Variants in HIVEP3 observed in about 807,000 individuals in gnomAD.
The protein encoded by HIVEP3 is transcription factor HIVEP3.
HIVEP3 carries 49 observed loss-of-function variants against 152.8 expected under a neutral mutation model. That is an observed-to-expected ratio of 0.32 (90% CI 0.26 to 0.41). HIVEP3 has a LOEUF of 0.41. Ranked by LOEUF, HIVEP3 falls within the 10% of genes least tolerant of loss-of-function variation. HIVEP3 has a pLI of 1.00. For synonymous variants in HIVEP3, 1,269 were observed against 1,289.0 expected (o/e 0.98, Z 0.33); for missense variants, 2,790 against 3,103.3 (o/e 0.90, Z 2.40).
At chr1:41,758,882 C>T (rs1041017517) in intron 1 of HIVEP3, among the ~76,000 whole-genome samples, 1 of 152,168 alleles carries the variant, frequency 6.6e-6, no homozygotes, top group Non-Finnish European at 1.5e-5. Context: ...GGCCCCACTG[C>T]TCCCCCATAG....
intron 3 of HIVEP3, among the ~76,000 whole-genome samples, chr1:41,611,017 A>T (rs1218986667): frequency 6.6e-6 from 1 of 151,256 alleles, no homozygotes; most frequent in Non-Finnish European, 1.5e-5. Flanking sequence ...CTTCCATTCA[A>T]CCAGGTGAAC....
At chr1:41,727,372 C>T (rs1162021405) in intron 1 of HIVEP3, among the ~76,000 whole-genome samples, 1 of 152,204 alleles carries the variant, frequency 6.6e-6, no homozygotes, top group Non-Finnish European at 1.5e-5. Context: ...CTGTGCCTGA[C>T]CCCTACCAGC....
chr1:41,851,934 A>G (rs1643615034), intron 1 of HIVEP3, among the ~76,000 whole-genome samples: 1 of 152,228 alleles, frequency 6.6e-6, no homozygotes, highest in Non-Finnish European at 1.5e-5. Flanking sequence ...CAAACCCTCA[A>G]AAAGTCATGT....
At chr1:41,842,047 C>T (rs1643304286) in intron 1 of HIVEP3, among the ~76,000 whole-genome samples, 1 of 151,874 alleles carries the variant, frequency 6.6e-6, no homozygotes, top group Non-Finnish European at 1.5e-5. Context: ...GAGTCGAGAT[C>T]ACAGCACTGC....
In HIVEP3 at chr1:41,529,343, A is replaced by G. The variant is rs114217320; in HGVS notation, c.5208-4433T>C. ...CCTCCCCACACCCTCACATTCACAC[A>G]TGCTGACACCCCCACACTCACACGC... On this transcript the variant is annotated intron_variant, in intron 5 of 8. Coordinates refer to ENST00000372583, the MANE Select transcript of HIVEP3 (RefSeq NM_024503.5). Among the ~76,000 whole-genome samples the G allele has an allele frequency of 3.6e-3, 410 of 114,196 alleles. 7 individuals carry two copies. Among genetic ancestry groups the G allele is most frequent in the African/African-American group, 0.013 (378 of 28,974 alleles). The allele number at this position is 114,196 out of a possible 152,430, so 74.9% of individuals were successfully genotyped here. A position where few individuals can be genotyped will look rare whatever the true frequency, so the allele number is the denominator to read the frequency against.
In HIVEP3 at chr1:41,575,533, A is replaced by G; in HGVS notation, c.5207+11T>C. 1.2e-6 allele frequency: 2 copies of G among 1,613,390 alleles called. No homozygotes were observed. The highest frequency in any genetic ancestry group is 1.7e-6 in the Non-Finnish European group (2 of 1,179,556). On this transcript the variant is annotated intron_variant, in intron 5 of 8. Coordinates refer to ENST00000372583, the MANE Select transcript of HIVEP3 (RefSeq NM_024503.5). ...CGGAAGCAGACGATGGAAACCAAAC[A>G]TGAGTCTTACCCTCCTTCGAAGATT... is the stretch of plus-strand genomic sequence containing the variant.
chr1:41,738,143 C>T (rs1185957056), intron 1 of HIVEP3, among the ~76,000 whole-genome samples: 4 of 152,224 alleles, frequency 2.6e-5, no homozygotes, highest in African/African-American at 9.6e-5. Flanking sequence ...GTGGGAGGGA[C>T]ACCCCATGTG....
chr1:41,931,178 C>T (rs1644994227), intron 1 of HIVEP3, among the ~76,000 whole-genome samples: 1 of 152,038 alleles, frequency 6.6e-6, no homozygotes, highest in Non-Finnish European at 1.5e-5. Flanking sequence ...TATCTAAAAA[C>T]TCTTTGCCAA....
intron 1 of HIVEP3, among the ~76,000 whole-genome samples, chr1:41,984,710 T>C (rs141598878): frequency 2.0e-5 from 3 of 152,292 alleles, no homozygotes; most frequent in South Asian, 2.1e-4. Flanking sequence ...ATTTTGCTAA[T>C]GGACAGATAA....
intron 1 of HIVEP3, among the ~76,000 whole-genome samples, chr1:41,733,606 C>T (rs1646874466): frequency 6.6e-6 from 1 of 152,250 alleles, no homozygotes; most frequent in East Asian, 1.9e-4. Context: ...CAAACATGGC[C>T]TGGCTCTTGG....
At chr1:41,636,908 G>A (rs1021011430) in intron 2 of HIVEP3, among the ~76,000 whole-genome samples, 32 of 146,014 alleles carry the variant, frequency 2.2e-4, no homozygotes, top group East Asian at 8.4e-4. Context: ...GCAGTGAGCC[G>A]AGATTGTGCC....
intron 3 of HIVEP3, among the ~76,000 whole-genome samples, chr1:41,617,049 C>G (rs1394930227): frequency 6.6e-6 from 1 of 152,094 alleles, no homozygotes; most frequent in East Asian, 1.9e-4. Context: ...GTCTTCAGAC[C>G]CTGTGCTCCT....
intron 1 of HIVEP3, among the ~76,000 whole-genome samples, chr1:41,729,137 C>T (rs1646801093): frequency 6.6e-6 from 1 of 152,226 alleles, no homozygotes; most frequent in South Asian, 2.1e-4. Context: ...TCAGGGGTTC[C>T]ATTCAGGGAG....
At position 41,564,222 on chromosome 1, in the gene HIVEP3, A is replaced by T. The variant is rs116693752; in HGVS notation, c.5207+11322T>A. 9.5e-3 allele frequency among the ~76,000 whole-genome samples: 1,450 copies of T among 152,104 alleles called. 23 individuals are homozygous for T. Among genetic ancestry groups the T allele is most frequent in the African/African-American group, 0.033 (1,368 of 41,506 alleles). On this transcript the variant is annotated intron_variant, in intron 5 of 8. Transcript: ENST00000372583. The stretch of plus-strand genomic sequence containing the variant: ...ACAACAACAACAACAACAAGAAAAA[A>T]CTCAATAGAATGGATGGAGACAAAA...
intron 1 of HIVEP3, among the ~76,000 whole-genome samples, chr1:42,017,945 C>T (rs191534633): frequency 1.8e-4 from 28 of 152,066 alleles, no homozygotes; most frequent in Admixed American, 5.2e-4. Context: ...TGGTATTGTC[C>T]GACTTTTTAA....
intron 2 of HIVEP3, among the ~76,000 whole-genome samples, chr1:41,640,343 C>T (rs941373243): frequency 6.6e-6 from 1 of 152,066 alleles, no homozygotes; most frequent in Admixed American, 6.5e-5. Context: ...TCAGGCCACA[C>T]CTCGCAGCCC....
At chr1:41,602,718 T>C (rs932613468) in intron 3 of HIVEP3, among the ~76,000 whole-genome samples, 1 of 152,082 alleles carries the variant, frequency 6.6e-6, no homozygotes, top group African/African-American at 2.4e-5. Flanking sequence ...ATTGTTTTTG[T>C]ATTGTTTATT....
At chr1:41,979,540 T>C (rs1045852263) in intron 1 of HIVEP3, among the ~76,000 whole-genome samples, 1 of 152,198 alleles carries the variant, frequency 6.6e-6, no homozygotes, top group Non-Finnish European at 1.5e-5. Flanking sequence ...CTGTTCTCTC[T>C]CCCTATTACT....
chr1:41,563,480 A>T lies in HIVEP3; in HGVS notation c.5207+12064T>A, dbSNP rs1195877290. Reference sequence around the variant, plus strand: ...TTTCCTGCGGCTTCCAGAACATGGGAAGCAGACCCTTTAACCAAGAGGGAG... The same window carrying T: ...TTTCCTGCGGCTTCCAGAACATGGGTAGCAGACCCTTTAACCAAGAGGGAG... On this transcript the variant is annotated intron_variant, in intron 5 of 8. Coordinates refer to ENST00000372583, the MANE Select transcript of HIVEP3 (RefSeq NM_024503.5). 3.3e-5 allele frequency among the ~76,000 whole-genome samples: 5 copies of T among 152,084 alleles called. No individual in the cohort carries two copies. The South Asian group carries it at 6.2e-4, about 19-fold the overall frequency.
Sources: gnomAD v4.1 joint callset for allele counts (sites outside exome capture counted in the v4.1 genomes callset) on GRCh38, gnomAD v4.1.1 for gene constraint, MANE v1.5 for transcripts, NCBI Gene and HGNC (gene_info 2026-07-23, HGNC 2026-07-21) for gene names.